Variants in FSD1L observed in about 807,000 individuals in gnomAD.
The protein encoded by FSD1L is fibronectin type III and SPRY domain containing 1 like, also known as FSD1-like protein.
A neutral mutation model predicts 71.6 loss-of-function variants in FSD1L; 45 were observed. That is an observed-to-expected ratio of 0.63 (90% confidence interval 0.49 to 0.81). The LOEUF (loss-of-function observed/expected upper bound fraction) is 0.81. Ranked by LOEUF, FSD1L falls within the 30% of genes least tolerant of loss-of-function variation. The pLI is 0.00. For synonymous variants in FSD1L, 197 were observed against 207.2 expected, an observed-to-expected ratio of 0.95 and a Z score of 0.42; for missense variants, 561 against 618.1, an observed-to-expected ratio of 0.91 and a Z score of 0.98.
At chr9:105,506,294 C>A in intron 7 of FSD1L, 105 bp from the exon 8 acceptor site, 1 of 841,634 alleles carries the variant, frequency 1.2e-6, no homozygotes, top group South Asian at 1.7e-5. Context: ...AGTTTAAAAG[C>A]ATAATGAAAA....
At chr9:105,513,234 T>A (rs1388992205) in intron 10 of FSD1L, among the ~76,000 whole-genome samples, 1 of 152,184 alleles carries the variant, frequency 6.6e-6, no homozygotes, top group Non-Finnish European at 1.5e-5. Context: ...CTAGTATAAT[T>A]CCTGAATTTT....
chr9:105,539,605 C>T (rs1482211991), intron 13 of FSD1L, among the ~76,000 whole-genome samples: 2 of 152,026 alleles, frequency 1.3e-5, no homozygotes, highest in African/African-American at 2.4e-5. Context: ...TAGGACTGCA[C>T]TCATGTGTAA....
At chr9:105,443,542 C>G (rs1040861761), upstream of FSD1L, among the ~76,000 whole-genome samples, 1 of 152,164 alleles carries the variant, frequency 6.6e-6, no homozygotes, top group Non-Finnish European at 1.5e-5. Flanking sequence ...TGGGCAGACT[C>G]TGTCTATAAT....
chr9:105,462,669 C>T (rs1830786713), intron 2 of FSD1L, among the ~76,000 whole-genome samples: 2 of 150,622 alleles, frequency 1.3e-5, no homozygotes, highest in African/African-American at 2.4e-5. Flanking sequence ...ATTACAGGTG[C>T]ATGCTACCAC....
intron 9 of FSD1L, among the ~76,000 whole-genome samples, chr9:105,511,986 G>A (rs183673881): frequency 3.1e-4 from 47 of 152,162 alleles, no homozygotes; most frequent in African/African-American, 1.1e-3. Flanking sequence ...CTGATACCTT[G>A]CAAGATAGAG....
intron 5 of FSD1L, among the ~76,000 whole-genome samples, chr9:105,477,195 T>C (rs1218123513): frequency 6.6e-6 from 1 of 152,204 alleles, no homozygotes; most frequent in Non-Finnish European, 1.5e-5. Context: ...TAAAAAACGG[T>C]AATCGTCTTC....
At position 105,548,256 on chromosome 9, in the gene FSD1L, G is replaced by A. The variant is rs1239527257; in HGVS notation, c.*1773G>A. The A allele has an allele frequency of 1.3e-5, 2 of 152,046 alleles. No individual in the cohort carries two copies. The highest frequency in any genetic ancestry group is 2.4e-5 in the African/African-American group (1 of 41,418). 9.4% of individuals were successfully genotyped at this position (152,046 alleles called of 1,614,324 possible). A position where few individuals can be genotyped will look rare whatever the true frequency, so the allele number is the denominator to read the frequency against. Reference sequence around the variant, plus strand: ...TTTGAAAGAAATTTTCAGATGTTCTGTTCCCTATAGAGGGCCTATTCCAGG... The same window carrying A: ...TTTGAAAGAAATTTTCAGATGTTCTATTCCCTATAGAGGGCCTATTCCAGG... On this transcript the variant is annotated 3_prime_UTR_variant, in exon 14 of 14. Transcript: ENST00000481272.
intron 7 of FSD1L, among the ~76,000 whole-genome samples, chr9:105,494,147 A>C (rs554371828): frequency 6.6e-6 from 1 of 151,978 alleles, no homozygotes; most frequent in African/African-American, 2.4e-5. Flanking sequence ...CCAATCAGAC[A>C]TAGATTTGGT....
intron 10 of FSD1L, chr9:105,520,354 T>C (rs988716298): frequency 8.0e-7 from 1 of 1,254,640 alleles, no homozygotes; most frequent in Non-Finnish European, 1.1e-6. Flanking sequence ...GTTTATTTAG[T>C]GAAAAAAAGA....
chr9:105,525,292 G>A, intron 10 of FSD1L: 1 of 1,608,728 alleles, frequency 6.2e-7, no homozygotes, highest in South Asian at 1.1e-5. Flanking sequence ...AGATGCTCTT[G>A]ATGAACTCTT....
intron 7 of FSD1L, among the ~76,000 whole-genome samples, chr9:105,488,493 C>T (rs1216424891): frequency 6.6e-6 from 1 of 152,132 alleles, no homozygotes; most frequent in South Asian, 2.1e-4. Flanking sequence ...CATCTGTATG[C>T]ACATTTTTGT....
Position 105,548,733 on chromosome 9 carries a change from C to A in FSD1L, c.*2250C>A, listed in dbSNP as rs551208795. ...AGGTTTTGTAATAATAGTGTAAGTT[C>A]AGTAAATCCAGTCCAAATTCTCATC... is the stretch of plus-strand genomic sequence containing the variant. On this transcript the variant is annotated 3_prime_UTR_variant, in exon 14 of 14. Transcript: ENST00000481272. The A allele has an allele frequency of 1.3e-5, 2 of 152,042 alleles. No homozygotes were observed. Among genetic ancestry groups the A allele is most frequent in the East Asian group, 3.9e-4 (2 of 5,182 alleles). The allele number at this position is 152,042 out of a possible 1,614,324, so 9.4% of individuals were successfully genotyped here. A position where few individuals can be genotyped will look rare whatever the true frequency, so the allele number is the denominator to read the frequency against.
chr9:105,446,960 A>C (rs1829669831), upstream of FSD1L, among the ~76,000 whole-genome samples: 1 of 152,058 alleles, frequency 6.6e-6, no homozygotes, highest in Non-Finnish European at 1.5e-5. Context: ...CTAAATTCCA[A>C]GCTTTCTAAA....
At chr9:105,532,835 T>C (rs1427689388) in intron 10 of FSD1L, among the ~76,000 whole-genome samples, 2 of 152,240 alleles carry the variant, frequency 1.3e-5, no homozygotes, top group African/African-American at 2.4e-5. Flanking sequence ...CTTAATATTA[T>C]ACACTAAAAA....
intron 13 of FSD1L, among the ~76,000 whole-genome samples, chr9:105,543,454 T>A (rs1174936062): frequency 1.3e-5 from 2 of 152,202 alleles, no homozygotes; most frequent in Non-Finnish European, 2.9e-5. Flanking sequence ...TTTATTATAC[T>A]TTAAGTTCTA....
At chr9:105,538,991 A>G (rs941787141) in intron 12 of FSD1L, among the ~76,000 whole-genome samples, 2 of 152,156 alleles carry the variant, frequency 1.3e-5, no homozygotes, top group African/African-American at 4.8e-5. Flanking sequence ...AATAATGATC[A>G]AATAAGGAAA....
chr9:105,525,988 A>G (rs1174047152), intron 10 of FSD1L: 3 of 1,564,010 alleles, frequency 1.9e-6, no homozygotes, highest in Non-Finnish European at 2.6e-6. Context: ...GTCAGAGCAT[A>G]CTAGAGACTA....
chr9:105,529,099 C>G (rs2131460363), intron 10 of FSD1L, among the ~76,000 whole-genome samples: 1 of 152,216 alleles, frequency 6.6e-6, no homozygotes, highest in East Asian at 1.9e-4. Flanking sequence ...GAATGGCGAT[C>G]ATGAAAAAGT....
chr9:105,513,710 T>G, intron 10 of FSD1L: 3 of 1,150,886 alleles, frequency 2.6e-6, no homozygotes, highest in Non-Finnish European at 3.7e-6. Context: ...ATTTTATCTT[T>G]TAACCAATAA....
Sources: allele counts gnomAD v4.1 joint callset (sites outside exome capture counted in the v4.1 genomes callset), GRCh38; gene constraint gnomAD v4.1.1; transcripts MANE v1.5; gene names NCBI Gene and HGNC (gene_info 2026-07-23, HGNC 2026-07-21).